SYNJ2: variants seen among roughly 807,000 people sequenced by gnomAD.
The protein encoded by SYNJ2 is synaptojanin 2, also known as polyphosphatidylinositol phosphatase SYNJ2.
In SYNJ2, 116 loss-of-function variants were observed where a neutral mutation model predicts 141.3. The observed-to-expected ratio is 0.82, with a 90% CI of 0.71 to 0.96. The LOEUF (loss-of-function observed/expected upper bound fraction) is 0.96. Among genes scored for constraint, SYNJ2 ranks in the 40% least tolerant of loss-of-function variants. The pLI is 0.00. For missense variants in SYNJ2, 1,873 were observed against 1,934.8 expected (o/e 0.97, Z 0.60); for synonymous variants, 745 against 777.7 (o/e 0.96, Z 0.70).
chr6:158,088,720 A>G lies in SYNJ2; in HGVS notation c.3404A>G (p.Gln1135Arg), dbSNP rs1436404773. ...DASISSGTHGQYSILQTARLL... is the reference protein window; with the variant it reads ...DASISSGTHGRYSILQTARLL... ...TCCATCTCCTCCGGCACCCATGGAC[A>G]GTATTCAATTTTGCAGACGGCAAGA... is the stretch of plus-strand genomic sequence containing the variant. Residue 1135 changes from glutamine (Q) to arginine (R), a missense_variant, in exon 24 of 27, where the codon CAG becomes CGG. Physicochemically the swap from Gln to Arg is conservative, Grantham distance 43 (BLOSUM62 1). Coordinates refer to ENST00000355585, the MANE Select transcript of SYNJ2 (RefSeq NM_003898.4). 2 of 1,614,006 alleles carry G rather than the reference A, an allele frequency of 1.2e-6. No homozygotes were observed. The highest frequency in any genetic ancestry group is 1.7e-6 in the Non-Finnish European group (2 of 1,180,008).
At chr6:157,981,615 C>A (rs1777007398), upstream of SYNJ2, among the ~76,000 whole-genome samples, 1 of 152,020 alleles carries the variant, frequency 6.6e-6, no homozygotes, top group South Asian at 2.1e-4. The surrounding 1 kb of genome is among the most constrained non-coding windows in gnomAD (Gnocchi z 6.4). Flanking sequence ...CCGCGCGGGG[C>A]ATCCTCCTCC....
In SYNJ2 at chr6:158,094,394, CAAAAAAA is replaced by C. The variant is rs532980446; in HGVS notation, c.3745-1206_3745-1200del. 4.0e-4 allele frequency among the ~76,000 whole-genome samples: 29 copies of C among 72,958 alleles called. 1 individual carries two copies. The highest frequency in any genetic ancestry group is 1.6e-3 in the African/African-American group (29 of 18,384). The allele number at this position is 72,958 out of a possible 152,430, so 47.9% of individuals were successfully genotyped here. ...ACACATACATTAGCCTACGGCTGGG[CAAAAAAA>C]AAAAAAAAAAAAAAAAACACCCATC... On this transcript the variant is annotated intron_variant, in intron 26 of 26. Coordinates refer to ENST00000355585, the MANE Select transcript of SYNJ2 (RefSeq NM_003898.4).
At chr6:158,039,672 T>C (rs1779832199) in intron 4 of SYNJ2, among the ~76,000 whole-genome samples, 1 of 152,062 alleles carries the variant, frequency 6.6e-6, no homozygotes, top group Admixed American at 6.6e-5. Flanking sequence ...GACAGTCGGG[T>C]AAACTCATTC....
intron 8 of SYNJ2, among the ~76,000 whole-genome samples, chr6:158,063,144 A>G (rs1781327446): frequency 1.3e-5 from 2 of 152,206 alleles, no homozygotes; most frequent in East Asian, 1.9e-4. Context: ...ACCTAACCCT[A>G]TATTTCCCCT....
rs147594055 is a variant in SYNJ2 at position 158,072,130 on chromosome 6, T to C, written c.2133+336T>C. Among the ~76,000 whole-genome samples, 931 of 152,344 alleles carry C rather than the reference T, an allele frequency of 6.1e-3. 9 individuals carry two copies. Among genetic ancestry groups the C allele is most frequent in the African/African-American group, 0.021 (889 of 41,568 alleles). ...AAAACCATGTCCGTGGTCTGTCCTG[T>C]CCAAGTGGTGAAGAGCATTTGAATC... On this transcript the variant is annotated intron_variant, in intron 15 of 26. Transcript: ENST00000355585.
At chr6:158,044,231 G>A (rs540415683) in intron 5 of SYNJ2, among the ~76,000 whole-genome samples, 1 of 152,220 alleles carries the variant, frequency 6.6e-6, no homozygotes, top group Non-Finnish European at 1.5e-5. Flanking sequence ...AGTGCCATCT[G>A]CCAGGTTCCA....
intron 1 of SYNJ2, among the ~76,000 whole-genome samples, chr6:158,010,026 G>T (rs1012206993): frequency 1.3e-5 from 2 of 152,178 alleles, no homozygotes; most frequent in African/African-American, 4.8e-5. Flanking sequence ...AAGCAATCCT[G>T]CTATCTCAGC....
chr6:158,083,584 C>T lies in SYNJ2; in HGVS notation c.3021C>T (p.Asp1007=). Residue 1007 remains aspartate (D), a synonymous_variant, in exon 21 of 27, where the codon GAC becomes GAT. Coordinates refer to ENST00000355585, the MANE Select transcript of SYNJ2 (RefSeq NM_003898.4). ...LEENFDFTSL[D]YESEGDILED... ...AAAACTTTGACTTCACAAGTTTGGA[C>T]TATGAGTCAGAAGGTTAGTGACCCT... 1.9e-6 allele frequency: 3 copies of T among 1,614,192 alleles called. No individual in the cohort carries two copies. Among genetic ancestry groups the T allele is most frequent in the South Asian group, 1.1e-5 (1 of 91,080 alleles).
chr6:158,064,706 A>C lies in SYNJ2; in HGVS notation c.1315A>C (p.Ser439Arg). ...AMWSLNGHSLSKVFTGSRALE... is the reference protein window; with the variant it reads ...AMWSLNGHSLRKVFTGSRALE... ...GTGGTCTCTGAATGGCCACAGCCTG[A>C]GCAAGGTGTTCACAGGCAGCAGAGC... The change falls in exon 10 of 27, where the codon AGC becomes CGC. Residue 439 changes from serine to arginine, a missense_variant. By Grantham distance (110) the Ser-to-Arg change is moderately radical (BLOSUM62 -1). Transcript: ENST00000355585. 1 of 1,614,012 alleles carries C rather than the reference A, an allele frequency of 6.2e-7. No individual in the cohort carries two copies. The highest frequency in any genetic ancestry group is 8.5e-7 in the Non-Finnish European group (1 of 1,180,022).
chr6:158,065,127 G>A (rs1182181521), intron 11 of SYNJ2, 136 bp downstream of exon 11: 1 of 1,144,216 alleles, frequency 8.7e-7, no homozygotes, highest in Non-Finnish European at 1.2e-6. Flanking sequence ...GCACCTTGCA[G>A]CTGTCACTGC....
At chr6:157,988,451 A>G (rs1238953514) in intron 1 of SYNJ2, among the ~76,000 whole-genome samples, 1 of 152,196 alleles carries the variant, frequency 6.6e-6, no homozygotes, top group Admixed American at 6.5e-5. Flanking sequence ...ACAGCTGGGC[A>G]TACAGGATGC....
chr6:158,031,657 TCAACGCTCAGCGTGG>T (rs1440694278), intron 3 of SYNJ2, among the ~76,000 whole-genome samples: 166 of 152,232 alleles, frequency 1.1e-3, no homozygotes, highest in African/African-American at 3.9e-3. Context: ...TCAGATGGGG[TCAACGCTCAGCGTGG>T]CTGGCACATA....
At chr6:158,091,251 G>C (rs1045473437) in intron 25 of SYNJ2, among the ~76,000 whole-genome samples, 2 of 151,986 alleles carry the variant, frequency 1.3e-5, no homozygotes, top group African/African-American at 2.4e-5. Flanking sequence ...GGGAGGTGGA[G>C]CTCGCAGTGA....
intron 9 of SYNJ2, among the ~76,000 whole-genome samples, chr6:158,064,172 T>C (rs915723656): frequency 6.6e-6 from 1 of 152,204 alleles, no homozygotes; most frequent in Non-Finnish European, 1.5e-5. Context: ...GGATGCACCA[T>C]TGGCCAAAGG....
intron 16 of SYNJ2, among the ~76,000 whole-genome samples, 185 bp downstream of exon 16, chr6:158,074,923 CTTTTTTTTTTTT>C (rs66487650): frequency 6.9e-6 from 1 of 144,270 alleles, no homozygotes; most frequent in African/African-American, 2.6e-5. Context: ...ACTTCCTGTC[CTTTTTTTTTTTT>C]TTTTTTTTTT....
chr6:158,094,214 T>C, intron 26 of SYNJ2: 1 of 478,618 alleles, frequency 2.1e-6, no homozygotes, highest in Non-Finnish European at 3.7e-6. Context: ...TGGACCTTTT[T>C]CCTCCGCCTC....
At chr6:158,074,410 T>C (rs1226265984) in intron 15 of SYNJ2, among the ~76,000 whole-genome samples, 170 bp from the exon 16 acceptor site, 2 of 152,184 alleles carry the variant, frequency 1.3e-5, no homozygotes, top group Non-Finnish European at 1.5e-5. Flanking sequence ...AATTCCTCCA[T>C]AGTTTTATGG....
At chr6:158,025,650 A>C (rs761019678) in intron 2 of SYNJ2, among the ~76,000 whole-genome samples, 9 of 151,676 alleles carry the variant, frequency 5.9e-5, no homozygotes, top group African/African-American at 1.2e-4. Flanking sequence ...ACAAGAGTGA[A>C]ACTCCATCTC....
At chr6:158,050,228 G>A (rs12212868) in intron 5 of SYNJ2, among the ~76,000 whole-genome samples, 16,798 of 152,302 alleles carry the variant, frequency 0.11, 1,331 homozygotes, top group South Asian at 0.24. Flanking sequence ...GTGTGCATAG[G>A]AATCTCCTGG....
Sources: allele counts gnomAD v4.1 joint callset (sites outside exome capture counted in the v4.1 genomes callset), GRCh38; gene constraint gnomAD v4.1.1; non-coding constraint Gnocchi (gnomAD v3.1); transcripts MANE v1.5; gene names NCBI Gene and HGNC (gene_info 2026-07-23, HGNC 2026-07-21).